Variants in ZNF732 observed in about 807,000 individuals in gnomAD.
ZNF732 encodes the protein zinc finger protein 732, also known as zinc finger protein LOC654254.
A neutral mutation model predicts 11.5 loss-of-function variants in ZNF732; 12 were observed. The ratio of observed to expected loss-of-function variants is 1.05; its 90% confidence interval spans 0.67 to 1.70. The LOEUF (loss-of-function observed/expected upper bound fraction) is 1.70, where lower values mean the gene tolerates loss of function less well. Among genes scored for constraint, ZNF732 ranks in the 40% most tolerant of loss-of-function variants. The pLI is 0.00. For missense variants in ZNF732, 702 were observed against 676.9 expected (o/e 1.04, Z -0.41); for synonymous variants, 231 against 236.5 (o/e 0.98, Z 0.21).
intron 1 of ZNF732, among the ~76,000 whole-genome samples, chr4:297,778 T>C (rs1184827055): frequency 2.6e-5 from 4 of 152,192 alleles, no homozygotes; most frequent in Admixed American, 2.6e-4. Flanking sequence ...AGCACCAGCT[T>C]TGGAGAGGCA....
rs560080653 is a variant in ZNF732 at position 271,660 on chromosome 4, A to G, written c.1197T>C (p.Phe399=). The change falls in exon 4 of 4, where the codon TTT becomes TTC. Residue 399 remains phenylalanine, a synonymous_variant. Coordinates refer to ENST00000419098, the MANE Select transcript of ZNF732 (RefSeq NM_001137608.3). ...GTTCATTAAGGGTTGTGAACCGACT[A>G]AAGGCTTTTCCACATTCTTCACATG... is the stretch of plus-strand genomic sequence containing the variant. ...PYTCEECGKA[F]SRFTTLNEHK... 2 of 1,611,196 alleles carry G rather than the reference A, an allele frequency of 1.2e-6. No individual in the cohort carries two copies. The highest frequency in any genetic ancestry group is 2.2e-5 in the East Asian group (1 of 44,832).
chr4:282,426 G>C (rs1553839996), intron 3 of ZNF732, among the ~76,000 whole-genome samples: 1 of 152,150 alleles, frequency 6.6e-6, no homozygotes, highest in Non-Finnish European at 1.5e-5. Flanking sequence ...AGTTGGGCCT[G>C]ATAATGCATG....
At chr4:286,003 GAGAA>G (rs1465244773) in intron 3 of ZNF732, among the ~76,000 whole-genome samples, 1 of 152,250 alleles carries the variant, frequency 6.6e-6, no homozygotes, top group Non-Finnish European at 1.5e-5. Context: ...TTCCTCAGCA[GAGAA>G]AGAAAGTGGG....
At chr4:288,274 G>C (rs1312736145) in intron 3 of ZNF732, among the ~76,000 whole-genome samples, 1 of 152,140 alleles carries the variant, frequency 6.6e-6, no homozygotes. Context: ...GTGGTTTTAA[G>C]TTTGTTGCTC....
chr4:295,461 T>C lies in ZNF732; in HGVS notation c.203A>G (p.His68Arg), dbSNP rs782630645. ...QRKEPYKVKI[H>R]ETVAKHPAVC... ...ACCTGGGTGTTTGGCTACTGTCTCA[T>C]GTATCTTCACTTTGTAGGGCTCCTT... Residue 68 changes from histidine (H) to arginine (R), a missense_variant, in exon 3 of 4, where the codon CAT becomes CGT. By Grantham distance (29) the His-to-Arg change is conservative. Around this residue, in one of 3 missense-constraint regions of ZNF732, gnomAD observed 596 missense variants for 557.9 expected, o/e 1.07. Coordinates refer to ENST00000419098, the MANE Select transcript of ZNF732 (RefSeq NM_001137608.3). The C allele has an allele frequency of 3.7e-6, 6 of 1,610,384 alleles. No individual in the cohort carries two copies. The Admixed American group carries it at 1.0e-4, about 27-fold the overall frequency.
chr4:299,476 CAT>C (rs1720056252), intron 1 of ZNF732, among the ~76,000 whole-genome samples: 2 of 87,862 alleles, frequency 2.3e-5, no homozygotes, highest in African/African-American at 8.3e-5. Context: ...TATATATACA[CAT>C]ATATACACAT....
At chr4:274,400 T>C (rs1347277952) in intron 3 of ZNF732, among the ~76,000 whole-genome samples, 1 of 143,408 alleles carries the variant, frequency 7.0e-6, no homozygotes, top group Non-Finnish European at 1.6e-5. Flanking sequence ...CACCAAAAAA[T>C]AAGAATTAAA....
At chr4:304,565 T>G (rs1312226885) in intron 1 of ZNF732, among the ~76,000 whole-genome samples, 1 of 134,348 alleles carries the variant, frequency 7.4e-6, no homozygotes, top group Non-Finnish European at 1.6e-5. Context: ...TTCCCGCAGC[T>G]GCCCCCCCCC....
At chr4:274,316 A>T (rs569196379) in intron 3 of ZNF732, among the ~76,000 whole-genome samples, 2 of 151,804 alleles carry the variant, frequency 1.3e-5, no homozygotes, top group South Asian at 4.2e-4. Context: ...TTACCAGTTT[A>T]AAATATATTA....
Position 299,426 on chromosome 4 carries a change from CACATATGT to C in ZNF732, c.4-3279_4-3272del, listed in dbSNP as rs1560165163. On this transcript the variant is annotated intron_variant, in intron 1 of 3. Coordinates refer to ENST00000419098, the MANE Select transcript of ZNF732 (RefSeq NM_001137608.3). ...GTGTATATATATATACACATATATACACATATGTGTATATATATATATATACACATATG... is the reference window on the plus strand; with the variant it reads ...GTGTATATATATATACACATATATACGTATATATATATATATACACATATG... Among the ~76,000 whole-genome samples, 18 of 81,138 alleles carry C rather than the reference CACATATGT, an allele frequency of 2.2e-4. 1 individual carries two copies. The highest frequency in any genetic ancestry group is 1.1e-3 in the South Asian group (2 of 1,844). The allele number at this position is 81,138 out of a possible 152,430, so 53.2% of individuals were successfully genotyped here.
In ZNF732 at chr4:271,715, TTA is replaced by T. The variant is rs1719371827; in HGVS notation, c.1140_1141del (p.His380GlnfsTer13). On this transcript the variant is annotated frameshift_variant, in exon 4 of 4. Transcript: ENST00000419098. LOFTEE classifies it low-confidence loss of function (END_TRUNC). ...GGGTTTCTCTCCAGTATGAATACTCTTATGTTTATTAAGGGTTGCGGATTGTC... is the reference window on the plus strand; with the variant it reads ...GGGTTTCTCTCCAGTATGAATACTCTTGTTTATTAAGGGTTGCGGATTGTC... The T allele has an allele frequency of 6.8e-6, 11 of 1,612,302 alleles. No individual in the cohort carries two copies. Among genetic ancestry groups the T allele is most frequent in the Non-Finnish European group, 8.5e-6 (10 of 1,179,310 alleles).
chr4:296,789 C>G (rs1238862821), intron 1 of ZNF732, among the ~76,000 whole-genome samples: 2 of 152,138 alleles, frequency 1.3e-5, no homozygotes, highest in African/African-American at 4.8e-5. Flanking sequence ...ATTATATTAC[C>G]ACTCGGCTAG....
chr4:290,896 A>T (rs1719831049), intron 3 of ZNF732, among the ~76,000 whole-genome samples: 1 of 152,160 alleles, frequency 6.6e-6, no homozygotes, highest in African/African-American at 2.4e-5. Context: ...ACAAAAGGAG[A>T]TGTTTACCTG....
chr4:302,102 G>GT (rs200139671), intron 1 of ZNF732, among the ~76,000 whole-genome samples: 4,164 of 152,262 alleles, frequency 0.027, 81 homozygotes, highest in Middle Eastern at 0.048. Context: ...AGACCATTCT[G>GT]TTTCCAGATT....
At chr4:294,350 T>A (rs1719903064) in intron 3 of ZNF732, among the ~76,000 whole-genome samples, 1 of 152,224 alleles carries the variant, frequency 6.6e-6, no homozygotes. Context: ...TTTCCAAGAA[T>A]CTATCAACAA....
At chr4:278,968 T>C (rs1415708636) in intron 3 of ZNF732, among the ~76,000 whole-genome samples, 1 of 152,208 alleles carries the variant, frequency 6.6e-6, no homozygotes, top group Non-Finnish European at 1.5e-5. Flanking sequence ...AATTTGCTTA[T>C]TGTATCATTT....
At chr4:283,323 C>A (rs1223925621) in intron 3 of ZNF732, among the ~76,000 whole-genome samples, 1 of 151,950 alleles carries the variant, frequency 6.6e-6, no homozygotes, top group African/African-American at 2.4e-5. Flanking sequence ...CTAAAACACT[C>A]GCGAAATGTC....
chr4:271,041 T>G lies in ZNF732; in HGVS notation c.*58A>C. The stretch of plus-strand genomic sequence containing the variant: ...TATAGTTTATTTCCAGTATAAATTT[T>G]CTTATGTTCATTCAGGTTTGTGGAT... On this transcript the variant is annotated 3_prime_UTR_variant, in exon 4 of 4. Transcript: ENST00000419098. The G allele has an allele frequency of 2.3e-6, 3 of 1,316,444 alleles. No individual in the cohort carries two copies. The highest frequency in any genetic ancestry group is 3.0e-5 in the South Asian group (2 of 67,120). The allele number at this position is 1,316,444 out of a possible 1,614,324, so 81.5% of individuals were successfully genotyped here. A position where few individuals can be genotyped will look rare whatever the true frequency, so the allele number is the denominator to read the frequency against.
intron 3 of ZNF732, among the ~76,000 whole-genome samples, chr4:276,661 A>G (rs909663738): frequency 2.0e-5 from 3 of 151,988 alleles, no homozygotes; most frequent in South Asian, 4.1e-4. Context: ...AAAAGTGAAA[A>G]AGACATGAAA....
Sources: gnomAD v4.1 joint callset for allele counts (sites outside exome capture counted in the v4.1 genomes callset) on GRCh38, gnomAD v4.1.1 for gene constraint, gnomAD v4.1.1 regional missense constraint, MANE v1.5 for transcripts, NCBI Gene and HGNC (gene_info 2026-07-23, HGNC 2026-07-21) for gene names.